The following CHRM3 variants were observed in gnomAD, a reference collection of about 807,000 sequenced individuals.
CHRM3 encodes the protein muscarinic acetylcholine receptor M3.
In CHRM3, 11 loss-of-function variants were observed where a neutral mutation model predicts 41.8. The ratio of observed to expected loss-of-function variants is 0.26; its 90% CI spans 0.17 to 0.44. The LOEUF (loss-of-function observed/expected upper bound fraction) is 0.44, where lower values mean the gene tolerates loss of function less well. Ranked by LOEUF, CHRM3 falls within the 20% of genes least tolerant of loss-of-function variation. The pLI is 1.00. For synonymous variants in CHRM3, 297 were observed against 301.4 expected (o/e 0.99, Z 0.15); for missense variants, 571 against 745.4 (o/e 0.77, Z 2.72).
At chr1:239,782,397 C>T (rs897480257) in intron 5 of CHRM3, among the ~76,000 whole-genome samples, 6 of 152,074 alleles carry the variant, frequency 3.9e-5, no homozygotes, top group Non-Finnish European at 2.9e-5. Flanking sequence ...TTGTGGGCAA[C>T]ATGTGTTCAT....
chr1:239,668,796 A>G (rs1674074960), intron 4 of CHRM3, among the ~76,000 whole-genome samples: 1 of 152,202 alleles, frequency 6.6e-6, no homozygotes, highest in Non-Finnish European at 1.5e-5. Context: ...GTTGGTGATT[A>G]GGATGTGTTT....
intron 1 of CHRM3, among the ~76,000 whole-genome samples, chr1:239,425,345 CCTA>C (rs781718883): frequency 2.6e-5 from 4 of 152,108 alleles, no homozygotes; most frequent in African/African-American, 4.8e-5. Flanking sequence ...TTACTGAGGT[CCTA>C]CTATGTGCCA....
intron 1 of CHRM3, among the ~76,000 whole-genome samples, chr1:239,444,648 A>G (rs1157411733): frequency 6.6e-6 from 1 of 152,194 alleles, no homozygotes; most frequent in Non-Finnish European, 1.5e-5. Flanking sequence ...TACAATCAGA[A>G]TTATATTAGG....
chr1:239,655,766 G>T (rs924367086), intron 4 of CHRM3, among the ~76,000 whole-genome samples: 1 of 152,092 alleles, frequency 6.6e-6, no homozygotes, highest in Non-Finnish European at 1.5e-5. Context: ...CTTTCTAAAG[G>T]CTTCCAAAGT....
chr1:239,592,601 T>C (rs1572832586), intron 3 of CHRM3, among the ~76,000 whole-genome samples: 1 of 152,168 alleles, frequency 6.6e-6, no homozygotes, highest in African/African-American at 2.4e-5. Flanking sequence ...ATTTTCAAGG[T>C]TCATTCCTGT....
intron 4 of CHRM3, among the ~76,000 whole-genome samples, chr1:239,664,802 C>T (rs1177900486): frequency 1.3e-5 from 2 of 152,196 alleles, no homozygotes; most frequent in Admixed American, 6.5e-5. Flanking sequence ...AGGCAAGGCC[C>T]GTTCTCAGTG....
chr1:239,730,322 T>C (rs1663846323), intron 5 of CHRM3: 1 of 151,938 alleles, frequency 6.6e-6, no homozygotes, highest in Non-Finnish European at 1.5e-5. Context: ...GTTTTAGATA[T>C]GGGGAATGCA....
intron 4 of CHRM3, among the ~76,000 whole-genome samples, chr1:239,672,073 A>AC (rs2149062102): frequency 6.6e-6 from 1 of 152,284 alleles, no homozygotes. Flanking sequence ...TATGCACAAG[A>AC]CAGGGATCCA....
At chr1:239,654,444 G>A (rs927189637) in intron 4 of CHRM3, among the ~76,000 whole-genome samples, 2 of 152,176 alleles carry the variant, frequency 1.3e-5, no homozygotes, top group African/African-American at 2.4e-5. Flanking sequence ...TGTCACCCAG[G>A]CTAGAGTGCA....
chr1:239,639,394 G>A (rs561905991), intron 4 of CHRM3, among the ~76,000 whole-genome samples: 6 of 152,304 alleles, frequency 3.9e-5, no homozygotes, highest in Non-Finnish European at 8.8e-5. Flanking sequence ...TCCTACCCAT[G>A]AGCATGGAAT....
intron 6 of CHRM3, among the ~76,000 whole-genome samples, chr1:239,891,543 T>G (rs890039712): frequency 3.3e-5 from 5 of 152,310 alleles, no homozygotes; most frequent in Middle Eastern, 3.4e-3. Flanking sequence ...ACAGGAATTT[T>G]GCTGAGTAGG....
At chr1:239,555,740 A>G (rs1052400428) in intron 3 of CHRM3, among the ~76,000 whole-genome samples, 8 of 152,172 alleles carry the variant, frequency 5.3e-5, no homozygotes, top group African/African-American at 1.9e-4. Flanking sequence ...GGGTAGCCCT[A>G]CTCTGCAGGA....
intron 5 of CHRM3, among the ~76,000 whole-genome samples, chr1:239,802,248 T>A (rs1670279715): frequency 6.6e-6 from 1 of 152,068 alleles, no homozygotes; most frequent in African/African-American, 2.4e-5. Context: ...TATCTCTCTC[T>A]CTCCTTCAAG....
At chr1:239,861,869 AT>A (rs1283847251) in intron 6 of CHRM3, among the ~76,000 whole-genome samples, 5 of 152,252 alleles carry the variant, frequency 3.3e-5, no homozygotes, top group African/African-American at 1.2e-4. Context: ...ACTAAATACC[AT>A]TTAATAGAAA....
intron 5 of CHRM3, among the ~76,000 whole-genome samples, chr1:239,762,654 A>C (rs144413286): frequency 6.6e-6 from 1 of 152,356 alleles, no homozygotes; most frequent in African/African-American, 2.4e-5. Flanking sequence ...AAATAATAAG[A>C]ATGTTCATTA....
intron 6 of CHRM3, among the ~76,000 whole-genome samples, chr1:239,861,522 A>G (rs896625760): frequency 6.6e-6 from 1 of 152,154 alleles, no homozygotes; most frequent in Non-Finnish European, 1.5e-5. Flanking sequence ...GTGCAGAGAA[A>G]GGTTCCAGAG....
At chr1:239,588,382 T>C (rs2148622043) in intron 3 of CHRM3, among the ~76,000 whole-genome samples, 1 of 152,298 alleles carries the variant, frequency 6.6e-6, no homozygotes, top group Non-Finnish European at 1.5e-5. Context: ...CCCCAGGACG[T>C]AGCACAGTGT....
intron 3 of CHRM3, among the ~76,000 whole-genome samples, chr1:239,586,932 T>G (rs989188287): frequency 1.4e-4 from 21 of 152,158 alleles, no homozygotes; most frequent in Admixed American, 1.2e-3. Flanking sequence ...GATATTGGCA[T>G]CTCCCAAAAT....
At chr1:239,630,306 A>G (rs1402853677) in intron 3 of CHRM3, among the ~76,000 whole-genome samples, 1 of 152,168 alleles carries the variant, frequency 6.6e-6, no homozygotes, top group East Asian at 1.9e-4. Context: ...GGGACTCCTA[A>G]TTGTAAATTA....
Sources: allele counts gnomAD v4.1 joint callset (sites outside exome capture counted in the v4.1 genomes callset), GRCh38; gene constraint gnomAD v4.1.1; transcripts MANE v1.5; gene names NCBI Gene and HGNC (gene_info 2026-07-23, HGNC 2026-07-21).